Variants in RBFOX1 observed in about 807,000 individuals in gnomAD.
The protein encoded by RBFOX1 is RNA binding fox-1 homolog 1.
In RBFOX1, 8 loss-of-function variants were observed where a neutral mutation model predicts 57.7. That is an observed-to-expected ratio of 0.14 (90% CI 0.08 to 0.25). The LOEUF (loss-of-function observed/expected upper bound fraction) is 0.25. RBFOX1 is among the 10% of genes least tolerant of loss of function. RBFOX1 has a pLI of 1.00. For missense variants in RBFOX1, 611 were observed against 548.5 expected (o/e 1.11, Z -1.14); for synonymous variants, 326 against 222.4 (o/e 1.47, Z -4.15).
intron 4 of RBFOX1, among the ~76,000 whole-genome samples, chr16:7,471,934 A>C (rs939569954): frequency 3.9e-5 from 6 of 152,170 alleles, no homozygotes; most frequent in African/African-American, 1.4e-4. Flanking sequence ...AGCACCGTTC[A>C]ACACGGGCTG....
chr16:6,768,988 A>G (rs1328667215), intron 3 of RBFOX1, among the ~76,000 whole-genome samples: 1 of 152,062 alleles, frequency 6.6e-6, no homozygotes, highest in East Asian at 1.9e-4. Flanking sequence ...CGGGCTCCCA[A>G]AGTGTTGAGG....
intron 3 of RBFOX1, among the ~76,000 whole-genome samples, chr16:6,689,624 T>C (rs566144436): frequency 1.3e-5 from 2 of 152,334 alleles, no homozygotes; most frequent in East Asian, 3.9e-4. Flanking sequence ...CTGTATTTTA[T>C]ATCTTCCTGA....
intron 4 of RBFOX1, among the ~76,000 whole-genome samples, chr16:7,307,468 C>G (rs976265878): frequency 6.6e-6 from 1 of 152,200 alleles, no homozygotes; most frequent in Non-Finnish European, 1.5e-5. Flanking sequence ...AATTTATTTA[C>G]TTAGGCCAAT....
chr16:6,175,510 G>T (rs199909424), intron 1 of RBFOX1, among the ~76,000 whole-genome samples: 10 of 152,104 alleles, frequency 6.6e-5, no homozygotes, highest in East Asian at 1.9e-4. Flanking sequence ...GGTCGGGGGG[G>T]TGGGGGCGAG....
intron 3 of RBFOX1, among the ~76,000 whole-genome samples, chr16:5,706,372 G>A (rs1418247818): frequency 3.3e-5 from 5 of 152,182 alleles, no homozygotes; most frequent in Admixed American, 6.5e-5. Context: ...TCAAGGTGTC[G>A]ATTGCCCCGA....
chr16:6,488,903 C>T (rs921410918), intron 2 of RBFOX1, among the ~76,000 whole-genome samples: 1 of 152,124 alleles, frequency 6.6e-6, no homozygotes, highest in African/African-American at 2.4e-5. Flanking sequence ...TAAACATGGT[C>T]TGATTTTTCA....
chr16:5,533,191 CTT>C (rs1322696741), intron 2 of RBFOX1, among the ~76,000 whole-genome samples: 4 of 152,102 alleles, frequency 2.6e-5, no homozygotes, highest in Non-Finnish European at 5.9e-5. Flanking sequence ...TGTAAATACT[CTT>C]TATGCAGGCT....
At chr16:5,374,761 C>G (rs1445484990) in intron 1 of RBFOX1, among the ~76,000 whole-genome samples, 2 of 150,414 alleles carry the variant, frequency 1.3e-5, no homozygotes, top group Non-Finnish European at 3.0e-5. Context: ...AAGAAGACGA[C>G]TATTTCATGA....
At chr16:6,082,977 T>A (rs931497645) in intron 1 of RBFOX1, among the ~76,000 whole-genome samples, 1 of 149,358 alleles carries the variant, frequency 6.7e-6, no homozygotes, top group African/African-American at 2.5e-5. Context: ...GACTGATCCA[T>A]CAGCAAATTT....
intron 2 of RBFOX1, among the ~76,000 whole-genome samples, chr16:5,596,316 G>T (rs747408812): frequency 6.6e-6 from 1 of 152,168 alleles, no homozygotes; most frequent in Non-Finnish European, 1.5e-5. Context: ...GCTTCCCCTG[G>T]AAGACTCTTA....
chr16:6,087,442 A>G (rs1486012664), intron 1 of RBFOX1, among the ~76,000 whole-genome samples: 1 of 152,182 alleles, frequency 6.6e-6, no homozygotes, highest in Non-Finnish European at 1.5e-5. Context: ...TCCATAGATA[A>G]CTATTGCTAA....
intron 3 of RBFOX1, among the ~76,000 whole-genome samples, chr16:5,853,686 G>T (rs377388075): frequency 1.3e-5 from 2 of 152,244 alleles, no homozygotes; most frequent in African/African-American, 4.8e-5. Context: ...GTGAAGTCCT[G>T]TAGACGAGGG....
chr16:5,997,275 T>G (rs770574360), intron 4 of RBFOX1, among the ~76,000 whole-genome samples: 36 of 152,234 alleles, frequency 2.4e-4, no homozygotes, highest in African/African-American at 4.8e-5. Flanking sequence ...AGCCTGGACC[T>G]CTACAGTTAA....
At chr16:7,469,125 G>A (rs1243990948) in intron 4 of RBFOX1, among the ~76,000 whole-genome samples, 4 of 152,048 alleles carry the variant, frequency 2.6e-5, no homozygotes, top group Non-Finnish European at 4.4e-5. Context: ...TAGTAGAGAC[G>A]GGGTTTGACC....
At chr16:6,531,567 T>C (rs1471531977) in intron 2 of RBFOX1, among the ~76,000 whole-genome samples, 1 of 152,176 alleles carries the variant, frequency 6.6e-6, no homozygotes, top group Non-Finnish European at 1.5e-5. Flanking sequence ...ATACCTATTG[T>C]TTTAAAACAG....
intron 4 of RBFOX1, among the ~76,000 whole-genome samples, chr16:7,230,147 C>G (rs1294649596): frequency 6.6e-6 from 1 of 151,200 alleles, no homozygotes; most frequent in African/African-American, 2.4e-5. Context: ...CCTCCTCATC[C>G]TTTTTTTCTG....
At chr16:5,867,189 C>A (rs778734726) in intron 3 of RBFOX1, 1 of 561,210 alleles carries the variant, frequency 1.8e-6, no homozygotes, top group South Asian at 9.7e-5. Flanking sequence ...GTGTTGCAAC[C>A]TTTGTCCCCT....
intron 4 of RBFOX1, among the ~76,000 whole-genome samples, chr16:7,313,670 G>A (rs1180991111): frequency 1.3e-5 from 2 of 150,632 alleles, no homozygotes; most frequent in Non-Finnish European, 2.9e-5. Flanking sequence ...ACAAGCACAC[G>A]AATAAGCACT....
At chr16:5,654,322 C>A (rs2049347983) in intron 3 of RBFOX1, among the ~76,000 whole-genome samples, 2 of 152,154 alleles carry the variant, frequency 1.3e-5, no homozygotes, top group African/African-American at 4.8e-5. Flanking sequence ...TCTCAGGAAT[C>A]CTGCAAGCCA....
Sources: allele counts gnomAD v4.1 joint callset (sites outside exome capture counted in the v4.1 genomes callset), GRCh38; gene constraint gnomAD v4.1.1; transcripts MANE v1.5; gene names NCBI Gene and HGNC (gene_info 2026-07-23, HGNC 2026-07-21).